Variants in ANGEL2 observed in about 807,000 individuals in gnomAD.
The protein encoded by ANGEL2 is RNA 2',3'-cyclic phosphatase ANGEL2.
A neutral mutation model predicts 66.0 loss-of-function variants in ANGEL2; 41 were observed. That is an observed-to-expected ratio of 0.62 (90% CI 0.48 to 0.81). ANGEL2 has a LOEUF of 0.81. Among genes scored for constraint, ANGEL2 ranks in the 30% least tolerant of loss-of-function variants. The probability of loss-of-function intolerance (pLI) is 0.00; values close to 1 mark genes in which losing one functional copy is unlikely to be tolerated. For missense variants in ANGEL2, 561 were observed against 641.6 expected, an observed-to-expected ratio of 0.87 and a Z score of 1.36; for synonymous variants, 208 against 226.5, an observed-to-expected ratio of 0.92 and a Z score of 0.73.
chr1:213,005,150 T>C lies in ANGEL2; in HGVS notation c.1017A>G (p.Lys339=), dbSNP rs372396987. ...TAACAATAGGGCAGAAGCTGCCATC[T>C]TTCTGGTGGGCAACACTGGAAATCT... The part of the protein sequence containing the change: ...LAEISSVAHQ[K]DGSFCPIVMC... Residue 339 remains lysine (K), a synonymous_variant, in exon 5 of 9, where the codon AAA becomes AAG. Coordinates refer to ENST00000366962, the MANE Select transcript of ANGEL2 (RefSeq NM_144567.5). 2.5e-6 allele frequency: 4 copies of C among 1,614,090 alleles called. No homozygotes were observed. The highest frequency in any genetic ancestry group is 3.4e-6 in the Non-Finnish European group (4 of 1,180,054).
intron 5 of ANGEL2, 147 bp from the exon 6 acceptor site, chr1:213,001,059 A>C (rs1003651863): frequency 5.6e-6 from 4 of 711,318 alleles, no homozygotes; most frequent in Non-Finnish European, 8.6e-6. Context: ...TGGACTTATA[A>C]AATCTTCTTT....
At chr1:213,004,222 T>G (rs1347421936) in intron 5 of ANGEL2, among the ~76,000 whole-genome samples, 1 of 151,912 alleles carries the variant, frequency 6.6e-6, no homozygotes, top group Non-Finnish European at 1.5e-5. Context: ...TAAATAATTT[T>G]AAACTATTAC....
chr1:213,015,278 A>T (rs1048829021), intron 1 of ANGEL2: 27 of 1,168,762 alleles, frequency 2.3e-5, no homozygotes, highest in Non-Finnish European at 2.8e-5. Flanking sequence ...GGTGCTGCGG[A>T]GTGTGTGGAG....
At position 213,000,018 on chromosome 1, in the gene ANGEL2, T is replaced by C. The variant is rs369147368; in HGVS notation, c.1319+308A>G. Among the ~76,000 whole-genome samples the C allele has an allele frequency of 6.8e-4, 103 of 152,330 alleles. 1 individual carries two copies. The South Asian group carries it at 0.021, about 31-fold the overall frequency. On this transcript the variant is annotated intron_variant, in intron 7 of 8. Coordinates refer to ENST00000366962, the MANE Select transcript of ANGEL2 (RefSeq NM_144567.5). ...GACAAGCTGTTTCCCTTCCTAACAC[T>C]ACCTAGGTGCCTAGGTATGTTTCAG... is the stretch of plus-strand genomic sequence containing the variant.
intron 5 of ANGEL2, among the ~76,000 whole-genome samples, chr1:213,004,680 C>A (rs1416486811): frequency 6.6e-6 from 1 of 151,730 alleles, no homozygotes; most frequent in Non-Finnish European, 1.5e-5. Flanking sequence ...CCAGCCTGGT[C>A]AACAAGCTGA....
At chr1:213,002,667 C>T (rs1355196364) in intron 5 of ANGEL2, among the ~76,000 whole-genome samples, 1 of 152,046 alleles carries the variant, frequency 6.6e-6, no homozygotes, top group Non-Finnish European at 1.5e-5. Flanking sequence ...CCTGTAATCC[C>T]AACACTTTGA....
In ANGEL2 at chr1:213,000,932, G is replaced by C; in HGVS notation, c.1135-20C>G. ...AGATACCTAAACAAAATTTCAACAG[G>C]TATCTTAAGTGAAAAGATTTTAAAT... On this transcript the variant is annotated intron_variant, in intron 5 of 8. Transcript: ENST00000366962. The C allele has an allele frequency of 6.2e-7, 1 of 1,600,200 alleles. No individual in the cohort carries two copies. Among genetic ancestry groups the C allele is most frequent in the Non-Finnish European group, 8.5e-7 (1 of 1,176,964 alleles).
In ANGEL2 at chr1:213,005,156, G is replaced by A. The variant is rs375384442; in HGVS notation, c.1011C>T (p.His337=). The part of the protein sequence containing the change: ...MLLAEISSVA[H]QKDGSFCPIV... ...TAGGGCAGAAGCTGCCATCTTTCTG[G>A]TGGGCAACACTGGAAATCTCTGCCA... Residue 337 remains histidine (H), a synonymous_variant, in exon 5 of 9, where the codon CAC becomes CAT. Transcript: ENST00000366962. The A allele has an allele frequency of 4.3e-6, 7 of 1,614,072 alleles. No homozygotes were observed. The African/African-American group carries it at 6.7e-5, about 15-fold the overall frequency.
At chr1:213,011,306 A>C in intron 2 of ANGEL2, 6 of 1,276,902 alleles carry the variant, frequency 4.7e-6, no homozygotes, top group Non-Finnish European at 6.1e-6. Flanking sequence ...GTGCCTAATT[A>C]CAAAGTCATA....
chr1:213,015,704 C>G lies in ANGEL2; in HGVS notation c.-33G>C, dbSNP rs768694278. 1 of 1,614,020 alleles carries G rather than the reference C, an allele frequency of 6.2e-7. No individual in the cohort carries two copies. The highest frequency in any genetic ancestry group is 2.2e-5 in the East Asian group (1 of 44,868). On this transcript the variant is annotated 5_prime_UTR_variant, in exon 1 of 9. Transcript: ENST00000366962. ...CTCCGCGTGCGTCCAGTTCCCAGGC[C>G]CCGGGTTCCACCTCAATCTCTATAA...
rs144278596 is a variant in ANGEL2 at position 213,012,604 on chromosome 1, A to G, written c.385+489T>C. The stretch of plus-strand genomic sequence containing the variant: ...CCAATTTGAGATATACAGATGTAAT[A>G]AATGAAAATCTTATCCTATAAGACC... On this transcript the variant is annotated intron_variant, in intron 2 of 8. Transcript: ENST00000366962. Among the ~76,000 whole-genome samples, 754 of 152,376 alleles carry G rather than the reference A, an allele frequency of 4.9e-3. 5 individuals carry two copies. Among genetic ancestry groups the G allele is most frequent in the Non-Finnish European group, 8.2e-3 (555 of 68,038 alleles).
chr1:212,995,282 G>C (rs1263422628), intron 8 of ANGEL2, 90 bp from the exon 9 acceptor site: 2 of 1,211,068 alleles, frequency 1.7e-6, no homozygotes, highest in Non-Finnish European at 2.3e-6. Context: ...AACAAATATA[G>C]AACTTGAGGC....
In ANGEL2 at chr1:213,013,425, G is replaced by T. The variant is rs748761102; in HGVS notation, c.60-7C>A. 1.2e-6 allele frequency: 2 copies of T among 1,607,092 alleles called. No individual in the cohort carries two copies. The highest frequency in any genetic ancestry group is 4.5e-5 in the East Asian group (2 of 44,846). On this transcript the variant is annotated splice_polypyrimidine_tract_variant and splice_region_variant and intron_variant, in intron 1 of 8. Coordinates refer to ENST00000366962, the MANE Select transcript of ANGEL2 (RefSeq NM_144567.5). ...ATGGGGAAACATGGGGTATCTAAAA[G>T]AAATAAATACACTCCTTGAGGCACC... is the stretch of plus-strand genomic sequence containing the variant.
rs373307175 is a variant in ANGEL2 at position 213,000,744 on chromosome 1, T to C, written c.1261+42A>G. On this transcript the variant is annotated intron_variant, in intron 6 of 8. Coordinates refer to ENST00000366962, the MANE Select transcript of ANGEL2 (RefSeq NM_144567.5). ...TAGTTTTATGTCTTCAAAGGGAACA[T>C]GATTACCCAGCAGACTGCCAAAATG... 5.1e-6 allele frequency: 8 copies of C among 1,565,622 alleles called. No individual in the cohort carries two copies. In the African/African-American group the frequency reaches 7.0e-5, roughly 14 times the overall value.
chr1:212,997,234 G>A lies in ANGEL2; in HGVS notation c.1404C>T (p.Thr468=), dbSNP rs762400021. 1.9e-6 allele frequency: 3 copies of A among 1,613,788 alleles called. No individual in the cohort carries two copies. In the South Asian group the frequency reaches 3.3e-5, roughly 18 times the overall value. ...TTATGGCACTTCGGGAATGACAGGT[G>A]GTCACTTCTGGAATTCCAGTGTCAG... ...YFPDTGIPEV[T]TCHSRSAITV... is the part of the protein sequence containing the mutation. The change falls in exon 8 of 9, where the codon ACC becomes ACT. Residue 468 remains threonine (T), a synonymous_variant. Transcript: ENST00000366962.
Position 213,006,355 on chromosome 1 carries a change from T to C in ANGEL2, c.712+774A>G, listed in dbSNP as rs192727759. ...GACGGACGCCTGTAGTCCCAGCTAC[T>C]AGGGAGCCTGAGGCAGGAGAATGGC... is the stretch of plus-strand genomic sequence containing the variant. On this transcript the variant is annotated intron_variant, in intron 4 of 8. Coordinates refer to ENST00000366962, the MANE Select transcript of ANGEL2 (RefSeq NM_144567.5). Among the ~76,000 whole-genome samples the C allele has an allele frequency of 1.4e-4, 21 of 150,490 alleles. No homozygotes were observed. The East Asian group carries it at 3.9e-3, about 28-fold the overall frequency.
In ANGEL2 at chr1:212,997,253, G is replaced by A. The variant is rs763571231; in HGVS notation, c.1385C>T (p.Thr462Ile). 17 of 1,613,678 alleles carry A rather than the reference G, an allele frequency of 1.1e-5. No individual in the cohort carries two copies. The highest frequency in any genetic ancestry group is 1.4e-5 in the Non-Finnish European group (17 of 1,179,698). The change falls in exon 8 of 9, where the codon ACT becomes ATT. Residue 462 changes from threonine (T) to isoleucine (I), a missense_variant. Transcript: ENST00000366962. Reference sequence around the variant, plus strand: ...ACAGGTGGTCACTTCTGGAATTCCAGTGTCAGGAAAGTAATGTGAATAAAC... The same window carrying A: ...ACAGGTGGTCACTTCTGGAATTCCAATGTCAGGAAAGTAATGTGAATAAAC... ...SSVYSHYFPDTGIPEVTTCHS... is the reference protein window; with the variant it reads ...SSVYSHYFPDIGIPEVTTCHS...
In ANGEL2 at chr1:212,997,208, GT is replaced by G. The variant is rs1386975263; in HGVS notation, c.1429del (p.Thr477LeufsTer28). 1.9e-6 allele frequency: 3 copies of G among 1,614,002 alleles called. No individual in the cohort carries two copies. The highest frequency in any genetic ancestry group is 1.7e-5 in the Admixed American group (1 of 60,018). ...VTTCHSRSAI[T>X]VDYIFYSAEK... ...TGCAGAGTAGAAAATATAATCCACAGTTATGGCACTTCGGGAATGACAGGTG... is the reference window on the plus strand; with the variant it reads ...TGCAGAGTAGAAAATATAATCCACAGTATGGCACTTCGGGAATGACAGGTG... On this transcript the variant is annotated frameshift_variant, in exon 8 of 9. Transcript: ENST00000366962. LOFTEE classifies it high-confidence loss of function.
chr1:212,998,228 A>C (rs944337214), intron 7 of ANGEL2, among the ~76,000 whole-genome samples: 1 of 132,202 alleles, frequency 7.6e-6, no homozygotes, highest in Non-Finnish European at 1.6e-5. Flanking sequence ...TCATCTCTAC[A>C]AAAAAAAAAA....
Sources: gnomAD v4.1 joint callset for allele counts (sites outside exome capture counted in the v4.1 genomes callset) on GRCh38, gnomAD v4.1.1 for gene constraint, MANE v1.5 for transcripts, NCBI Gene and HGNC (gene_info 2026-07-23, HGNC 2026-07-21) for gene names.